CYTH3: variants seen among roughly 807,000 people sequenced by gnomAD.
CYTH3 encodes cytohesin 3.
Under a neutral mutation model 55.1 loss-of-function variants are expected in CYTH3, and 23 were observed. That is an observed-to-expected ratio of 0.42 (90% CI 0.30 to 0.59). The LOEUF is 0.59. Among genes scored for constraint, CYTH3 ranks in the 20% least tolerant of loss-of-function variants. The pLI, the probability that CYTH3 is intolerant of heterozygous loss-of-function variation, is 0.20. For synonymous variants in CYTH3, 249 were observed against 194.9 expected (o/e 1.28, Z -2.31); for missense variants, 413 against 524.8 (o/e 0.79, Z 2.08).
chr7:6,185,493 G>A (rs529958428), intron 4 of CYTH3, among the ~76,000 whole-genome samples: 21 of 151,968 alleles, frequency 1.4e-4, no homozygotes, highest in South Asian at 4.2e-4. Flanking sequence ...TCAGGAGATC[G>A]AGACCATCCT....
chr7:6,196,870 C>A (rs888194698), intron 1 of CYTH3, among the ~76,000 whole-genome samples: 1 of 152,216 alleles, frequency 6.6e-6, no homozygotes, highest in African/African-American at 2.4e-5. Flanking sequence ...AGTCTGTCAA[C>A]AACATTTACG....
At chr7:6,259,799 A>ATAT (rs1554255129) in intron 1 of CYTH3, among the ~76,000 whole-genome samples, 1 of 24,980 alleles carries the variant, frequency 4.0e-5, no homozygotes, top group East Asian at 1.3e-3. Context: ...ATATATATAT[A>ATAT]TATATATATA....
chr7:6,222,374 T>C (rs117652763), intron 1 of CYTH3, among the ~76,000 whole-genome samples: 9 of 152,324 alleles, frequency 5.9e-5, no homozygotes, highest in Non-Finnish European at 1.2e-4. Flanking sequence ...GTCACAGTGA[T>C]GACACCTGCT....
intron 1 of CYTH3, among the ~76,000 whole-genome samples, chr7:6,271,094 A>G (rs1252199775): frequency 7.2e-6 from 1 of 137,966 alleles, no homozygotes; most frequent in African/African-American, 3.5e-5. Context: ...TTAGGATCTC[A>G]TGGCTCCAGA....
At chr7:6,234,051 T>A (rs1779456906) in intron 1 of CYTH3, among the ~76,000 whole-genome samples, 1 of 152,208 alleles carries the variant, frequency 6.6e-6, no homozygotes, top group African/African-American at 2.4e-5. Context: ...CCTAGTACCA[T>A]CACCTCAGGG....
At chr7:6,209,538 A>T (rs1784277122) in intron 1 of CYTH3, among the ~76,000 whole-genome samples, 1 of 152,208 alleles carries the variant, frequency 6.6e-6, no homozygotes, top group African/African-American at 2.4e-5. Flanking sequence ...ATTTGAGGAC[A>T]CTTTGGAAGA....
intron 6 of CYTH3, chr7:6,172,808 T>C: frequency 7.8e-7 from 1 of 1,282,378 alleles, no homozygotes; most frequent in Non-Finnish European, 1.0e-6. Flanking sequence ...GCAGGATTCT[T>C]ATATGTTGCG....
At position 6,169,259 on chromosome 7, in the gene CYTH3, C is replaced by T. The variant is rs1016591908; in HGVS notation, c.823+1276G>A. Reference sequence around the variant, plus strand: ...TTTTTGAGACGAGGTCTCACTCTGTCGCCGAGGTGGGAGAGCAGTGGCACA... The same window carrying T: ...TTTTTGAGACGAGGTCTCACTCTGTTGCCGAGGTGGGAGAGCAGTGGCACA... On this transcript the variant is annotated intron_variant, in intron 9 of 12. Transcript: ENST00000350796. The surrounding 1 kb of genome is among the most constrained non-coding windows in gnomAD (Gnocchi z 4.1). Among the ~76,000 whole-genome samples, 1 of 152,290 alleles carries T rather than the reference C, an allele frequency of 6.6e-6. No individual in the cohort carries two copies. Among genetic ancestry groups the T allele is most frequent in the African/African-American group, 2.4e-5 (1 of 41,558 alleles).
intron 1 of CYTH3, among the ~76,000 whole-genome samples, chr7:6,258,145 C>CT (rs1449646205): frequency 7.3e-5 from 11 of 151,414 alleles, no homozygotes; most frequent in African/African-American, 2.2e-4. Flanking sequence ...TTTGCTTTTT[C>CT]TTTTTTTTCC....
intron 1 of CYTH3, among the ~76,000 whole-genome samples, chr7:6,267,810 T>C (rs1780540227): frequency 6.6e-6 from 1 of 152,110 alleles, no homozygotes; most frequent in African/African-American, 2.4e-5. Flanking sequence ...GCGTGAGCCA[T>C]TGCGCCCAGC....
Position 6,167,780 on chromosome 7 carries a change from C to A in CYTH3, c.824-1970G>T, listed in dbSNP as rs2128536255. On this transcript the variant is annotated intron_variant, in intron 9 of 12. Coordinates refer to ENST00000350796, the MANE Select transcript of CYTH3 (RefSeq NM_004227.4). The surrounding 1 kb of genome is among the most constrained non-coding windows in gnomAD (Gnocchi z 5.5). Reference sequence around the variant, plus strand: ...TCTGTCCAGCGCCTGCTCTCTTCCTCCACGCTCCCAGCATGGTGGACAGCA... The same window carrying A: ...TCTGTCCAGCGCCTGCTCTCTTCCTACACGCTCCCAGCATGGTGGACAGCA... Among the ~76,000 whole-genome samples the A allele has an allele frequency of 6.6e-6, 1 of 152,396 alleles. No homozygotes were observed. Among genetic ancestry groups the A allele is most frequent in the East Asian group, 1.9e-4 (1 of 5,186 alleles).
At chr7:6,230,173 TCTCAA>T (rs142067095) in intron 1 of CYTH3, among the ~76,000 whole-genome samples, 60 of 152,168 alleles carry the variant, frequency 3.9e-4, no homozygotes, top group African/African-American at 1.3e-3. Context: ...AAAAAACCCA[TCTCAA>T]CTCAAGGATG....
Position 6,171,845 on chromosome 7 carries a change from C to T in CYTH3, c.450-531G>A, listed in dbSNP as rs1783207764. 6.4e-6 allele frequency: 1 copy of T among 156,404 alleles called. No individual in the cohort carries two copies. The highest frequency in any genetic ancestry group is 1.9e-4 in the East Asian group (1 of 5,298). The allele number at this position is 156,404 out of a possible 1,614,324, so 9.7% of individuals were successfully genotyped here. A position where few individuals can be genotyped will look rare whatever the true frequency, so the allele number is the denominator to read the frequency against. The stretch of plus-strand genomic sequence containing the variant: ...GACCAGGCCCAGCAGACACTCCCAC[C>T]CTCAGGCATCCCCTCTGGCTGAGGT... On this transcript the variant is annotated intron_variant, in intron 6 of 12. Coordinates refer to ENST00000350796, the MANE Select transcript of CYTH3 (RefSeq NM_004227.4). This position sits in a 1 kb window ranked among gnomAD's most constrained non-coding sequence, Gnocchi z 6.7.
Position 6,187,669 on chromosome 7 carries a change from G to T in CYTH3, c.170C>A (p.Ser57Tyr). 6.2e-7 allele frequency: 1 copy of T among 1,613,772 alleles called. No homozygotes were observed. Among genetic ancestry groups the T allele is most frequent in the East Asian group, 2.2e-5 (1 of 44,890 alleles). Residue 57 changes from serine to tyrosine, a missense_variant, in exon 3 of 13, where the codon TCC (serine) becomes TAC (tyrosine). Ser to Tyr is a moderately radical substitution (Grantham distance 144, BLOSUM62 -2). Transcript: ENST00000350796. ...CACAAATTGTTACCTCTCCTCTACG[G>T]AAGTTAGATTGTCGATCTCTGTCAT... ...EVMTEIDNLT[S>Y]VEESKTTQRN...
intron 1 of CYTH3, among the ~76,000 whole-genome samples, chr7:6,261,579 G>T (rs1780354224): frequency 6.6e-6 from 1 of 151,514 alleles, no homozygotes; most frequent in African/African-American, 2.4e-5. Context: ...AGCTGGGCAT[G>T]GTGGCATGTG....
At chr7:6,272,409 C>CGGGGGGGGGGGGGCGGG in intron 1 of CYTH3, 65 bp downstream of exon 1, 1 of 1,212,390 alleles carries the variant, frequency 8.2e-7, no homozygotes, top group Non-Finnish European at 1.1e-6. Context: ...GCCGCGCCCT[C>CGGGGGGGGGGGGGCGGG]GACCCCCAGC....
chr7:6,247,932 G>A (rs1310223990), intron 1 of CYTH3, among the ~76,000 whole-genome samples: 1 of 151,918 alleles, frequency 6.6e-6, no homozygotes, highest in Admixed American at 6.6e-5. Flanking sequence ...CTCCCAAAGC[G>A]CTGGGAATAC....
chr7:6,239,675 GAGATATAAAATTAATATAGAGA>G (rs1209804972), intron 1 of CYTH3, among the ~76,000 whole-genome samples: 2 of 152,156 alleles, frequency 1.3e-5, no homozygotes, highest in African/African-American at 4.8e-5. Context: ...CTAAGCAAAT[GAGATATAAAATTAATATAGAGA>G]AATCAATAGC....
chr7:6,207,990 AC>A (rs1020738204), intron 1 of CYTH3, among the ~76,000 whole-genome samples: 5 of 152,112 alleles, frequency 3.3e-5, no homozygotes, highest in African/African-American at 4.8e-5. Context: ...GATAAAAAAA[AC>A]GATTAATAAC....
Sources: gnomAD v4.1 joint callset for allele counts (sites outside exome capture counted in the v4.1 genomes callset) on GRCh38, gnomAD v4.1.1 for gene constraint, Gnocchi (gnomAD v3.1) non-coding constraint, MANE v1.5 for transcripts, NCBI Gene and HGNC (gene_info 2026-07-23, HGNC 2026-07-21) for gene names.